The following PSMD1 variants were observed in gnomAD, a reference collection of about 807,000 sequenced individuals.
PSMD1 encodes the protein 26S proteasome non-ATPase regulatory subunit 1.
A neutral mutation model predicts 119.0 loss-of-function variants in PSMD1; 18 were observed. The observed-to-expected ratio is 0.15, with a 90% CI of 0.10 to 0.22. PSMD1 has a LOEUF of 0.22. PSMD1 is among the 10% of genes least tolerant of loss of function. PSMD1 has a pLI of 1.00. For synonymous variants in PSMD1, 374 were observed against 396.6 expected (o/e 0.94, Z 0.68); for missense variants, 702 against 1,158.5 (o/e 0.61, Z 5.72).
chr2:231,081,152 A>G (rs1694300353), intron 12 of PSMD1, among the ~76,000 whole-genome samples: 1 of 151,468 alleles, frequency 6.6e-6, no homozygotes, highest in Non-Finnish European at 1.5e-5. Context: ...TCTAAAAAAA[A>G]AAAAAAAAAA....
chr2:231,149,835 A>G (rs192128019), intron 18 of PSMD1, among the ~76,000 whole-genome samples: 2 of 152,374 alleles, frequency 1.3e-5, no homozygotes, highest in East Asian at 3.9e-4. Flanking sequence ...AAGCAAATTA[A>G]TGCTGATAAA....
intron 23 of PSMD1, among the ~76,000 whole-genome samples, chr2:231,168,380 A>C (rs1300602094): frequency 6.6e-6 from 1 of 152,262 alleles, no homozygotes; most frequent in Non-Finnish European, 1.5e-5. Context: ...AGCATGATTC[A>C]TAATAGCCAT....
chr2:231,072,130 A>G, intron 6 of PSMD1, 59 bp from the exon 7 acceptor site: 1 of 1,405,990 alleles, frequency 7.1e-7, no homozygotes, highest in Non-Finnish European at 1.0e-6. Context: ...TTGTCTCCTT[A>G]AGTACCTTGT....
intron 17 of PSMD1, among the ~76,000 whole-genome samples, chr2:231,141,296 G>A (rs1187943112): frequency 6.9e-6 from 1 of 144,900 alleles, no homozygotes; most frequent in Admixed American, 7.0e-5. Context: ...GTGGGACTCT[G>A]TCTCAAAAGA....
intron 16 of PSMD1, among the ~76,000 whole-genome samples, chr2:231,126,803 G>C (rs1435175283): frequency 6.6e-6 from 1 of 151,688 alleles, no homozygotes; most frequent in East Asian, 1.9e-4. Context: ...TAATGTCTAA[G>C]GAACGTAACT....
In PSMD1 at chr2:231,070,122, A is replaced by C. The variant is rs1694008207; in HGVS notation, c.608A>C (p.Lys203Thr). Residue 203 changes from lysine (K) to threonine (T), a missense_variant, in exon 6 of 25, where the codon AAA becomes ACA. By Grantham distance (78) the Lys-to-Thr change is moderately conservative. This residue lies in a region of PSMD1 where 32 missense variants were observed against 77.1 expected (regional missense o/e 0.42). Coordinates refer to ENST00000308696, the MANE Select transcript of PSMD1 (RefSeq NM_002807.4). ...FRNKVLRVLV[K>T]IYMNLEKPDF... ...AATAAAGTACTAAGAGTTCTAGTTA[A>C]AATCTACATGAACTTGGAGAAACCT... is the stretch of plus-strand genomic sequence containing the variant. 1 of 1,570,190 alleles carries C rather than the reference A, an allele frequency of 6.4e-7. No individual in the cohort carries two copies. The highest frequency in any genetic ancestry group is 8.6e-7 in the Non-Finnish European group (1 of 1,165,122).
At position 231,079,713 on chromosome 2, in the gene PSMD1, A is replaced by G. The variant is rs1000020354; in HGVS notation, c.1239+99A>G. 4.2e-6 allele frequency: 3 copies of G among 713,832 alleles called. No individual in the cohort carries two copies. In the African/African-American group the frequency reaches 5.4e-5, roughly 13 times the overall value. 44.2% of individuals were successfully genotyped at this position (713,832 alleles called of 1,614,324 possible). On this transcript the variant is annotated intron_variant, in intron 11 of 24. Transcript: ENST00000308696. ...TTTATTATAATTCATTAACAAGTAC[A>G]CTTTGTTAAGTCAGATAAGTCATTT...
Position 231,136,370 on chromosome 2 carries a change from A to G in PSMD1, c.1884-2366A>G, listed in dbSNP as rs544880676. 1.5e-4 allele frequency among the ~76,000 whole-genome samples: 23 copies of G among 152,336 alleles called. 1 individual carries two copies. Among genetic ancestry groups the G allele is most frequent in the Non-Finnish European group, 2.6e-4 (18 of 68,026 alleles). On this transcript the variant is annotated intron_variant, in intron 16 of 24. Transcript: ENST00000308696. ...AAATATTCCCATCTTAAATGGTGACAACTTATTTTGAATTTTTTTAAAGTA... is the reference window on the plus strand; with the variant it reads ...AAATATTCCCATCTTAAATGGTGACGACTTATTTTGAATTTTTTTAAAGTA...
intron 16 of PSMD1, among the ~76,000 whole-genome samples, chr2:231,112,287 TC>T (rs1397574824): frequency 6.6e-6 from 1 of 152,332 alleles, no homozygotes; most frequent in African/African-American, 2.4e-5. Context: ...ACCCATTGTC[TC>T]CCATTCCCTT....
chr2:231,170,486 C>T lies in PSMD1; in HGVS notation c.2716-80C>T. On this transcript the variant is annotated intron_variant, in intron 23 of 24. Transcript: ENST00000308696. This position sits in a 1 kb window ranked among gnomAD's most constrained non-coding sequence, Gnocchi z 4.1. The stretch of plus-strand genomic sequence containing the variant: ...AATCATTTAAGTAGTTTTAAAGTAC[C>T]ATTTAACAAGTATTTACTCTAGATT... The T allele has an allele frequency of 2.2e-6, 3 of 1,361,034 alleles. No homozygotes were observed. The highest frequency in any genetic ancestry group is 2.9e-6 in the Non-Finnish European group (3 of 1,017,150). The allele number at this position is 1,361,034 out of a possible 1,614,324, so 84.3% of individuals were successfully genotyped here.
intron 16 of PSMD1, among the ~76,000 whole-genome samples, chr2:231,102,643 A>G (rs1366292075): frequency 1.3e-5 from 2 of 152,044 alleles, no homozygotes; most frequent in African/African-American, 4.8e-5. Flanking sequence ...TCTTTACCCC[A>G]TTGTCCTCAC....
In PSMD1 at chr2:231,120,481, A is replaced by C. The variant is rs1482884857; in HGVS notation, c.1884-18255A>C. Among the ~76,000 whole-genome samples, 6 of 152,230 alleles carry C rather than the reference A, an allele frequency of 3.9e-5. No individual in the cohort carries two copies. In the South Asian group the frequency reaches 1.2e-3, roughly 32 times the overall value. On this transcript the variant is annotated intron_variant, in intron 16 of 24. Coordinates refer to ENST00000308696, the MANE Select transcript of PSMD1 (RefSeq NM_002807.4). Reference sequence around the variant, plus strand: ...AACTACAACTGTAAAGATCAAGTCCAGTGCTCCCAGATAGGAAGAAGTGGC... The same window carrying C: ...AACTACAACTGTAAAGATCAAGTCCCGTGCTCCCAGATAGGAAGAAGTGGC...
intron 7 of PSMD1, among the ~76,000 whole-genome samples, chr2:231,074,004 C>T (rs1386645872): frequency 8.6e-5 from 13 of 152,038 alleles, no homozygotes; most frequent in Non-Finnish European, 1.6e-4. Context: ...TACCTTTTCC[C>T]TCTCTTTTTT....
chr2:231,145,965 G>C (rs1051830617), intron 17 of PSMD1, among the ~76,000 whole-genome samples: 2 of 147,674 alleles, frequency 1.4e-5, no homozygotes, highest in Admixed American at 1.3e-4. Context: ...TGTTCTGTAA[G>C]GTTTTTTCTG....
At chr2:231,062,891 G>A (rs2125152103) in intron 4 of PSMD1, among the ~76,000 whole-genome samples, 1 of 152,264 alleles carries the variant, frequency 6.6e-6, no homozygotes, top group South Asian at 2.1e-4. Context: ...AGTCCAGTGA[G>A]CCTACTGTTA....
At chr2:231,091,762 T>G (rs1694602337) in intron 16 of PSMD1, among the ~76,000 whole-genome samples, 2 of 152,044 alleles carry the variant, frequency 1.3e-5, no homozygotes, top group Admixed American at 1.3e-4. Context: ...AGTTTTAAGT[T>G]GTCTTAAGTC....
rs1413780669 is a variant in PSMD1 at position 231,156,522 on chromosome 2, A to G, written c.2218+2856A>G. On this transcript the variant is annotated intron_variant, in intron 19 of 24. Coordinates refer to ENST00000308696, the MANE Select transcript of PSMD1 (RefSeq NM_002807.4). ...ATTTATCCCTCCTTGCCCTCCCCAC[A>G]AGTCCCTGACCTTTTTACTGTCTCT... Among the ~76,000 whole-genome samples the G allele has an allele frequency of 2.0e-5, 3 of 152,060 alleles. No homozygotes were observed. The East Asian group carries it at 5.8e-4, about 29-fold the overall frequency.
intron 6 of PSMD1, among the ~76,000 whole-genome samples, chr2:231,071,805 G>A (rs1694046987): frequency 6.6e-6 from 1 of 152,134 alleles, no homozygotes; most frequent in African/African-American, 2.4e-5. Context: ...ACAACACAAT[G>A]TATGTTAAAT....
chr2:231,157,106 T>A (rs1405569265), intron 19 of PSMD1, among the ~76,000 whole-genome samples: 1 of 152,106 alleles, frequency 6.6e-6, no homozygotes, highest in Non-Finnish European at 1.5e-5. Flanking sequence ...TGCCACTTTT[T>A]AAAGTGTATG....
Sources: allele counts gnomAD v4.1 joint callset (sites outside exome capture counted in the v4.1 genomes callset), GRCh38; gene constraint gnomAD v4.1.1; regional missense constraint gnomAD v4.1.1; non-coding constraint Gnocchi (gnomAD v3.1); transcripts MANE v1.5; gene names NCBI Gene and HGNC (gene_info 2026-07-23, HGNC 2026-07-21).